LRRC7: variants seen among roughly 807,000 people sequenced by gnomAD.
The protein encoded by LRRC7 is leucine rich repeat containing 7, also known as leucine-rich repeat-containing protein 7.
In LRRC7, 23 loss-of-function variants were observed where a neutral mutation model predicts 175.7. The observed-to-expected ratio is 0.13, with a 90% CI of 0.09 to 0.19. The LOEUF (loss-of-function observed/expected upper bound fraction) is 0.19. Ranked by LOEUF, LRRC7 falls within the 10% of genes least tolerant of loss-of-function variation. The probability of loss-of-function intolerance (pLI) is 1.00; values close to 1 mark genes in which losing one functional copy is unlikely to be tolerated. For missense variants in LRRC7, 1,354 were observed against 1,904.7 expected (o/e 0.71, Z 5.38); for synonymous variants, 685 against 680.9 (o/e 1.01, Z -0.09).
At chr1:70,041,069 G>T (rs985336135) in intron 21 of LRRC7, among the ~76,000 whole-genome samples, 3 of 152,086 alleles carry the variant, frequency 2.0e-5, no homozygotes, top group African/African-American at 7.2e-5. Flanking sequence ...TGGTGAAAAT[G>T]GGGCTTTTTG....
At chr1:69,881,102 AG>A (rs1686558796) in intron 7 of LRRC7, among the ~76,000 whole-genome samples, 1 of 152,218 alleles carries the variant, frequency 6.6e-6, no homozygotes, top group Admixed American at 6.5e-5. Flanking sequence ...TATTTTAATT[AG>A]TTGTTTCAAG....
At chr1:69,647,149 T>G (rs1045360839) in intron 1 of LRRC7, among the ~76,000 whole-genome samples, 2 of 152,148 alleles carry the variant, frequency 1.3e-5, no homozygotes, top group Non-Finnish European at 1.5e-5. Flanking sequence ...TCTTTTGGTC[T>G]TCAGTGAGAA....
intron 2 of LRRC7, among the ~76,000 whole-genome samples, chr1:69,688,918 C>T (rs1334117442): frequency 6.6e-6 from 1 of 152,102 alleles, no homozygotes; most frequent in Non-Finnish European, 1.5e-5. Context: ...GCATATACTA[C>T]ATATTTGTCT....
chr1:69,938,603 G>T (rs1246918644), intron 8 of LRRC7, among the ~76,000 whole-genome samples: 2 of 151,960 alleles, frequency 1.3e-5, no homozygotes, highest in African/African-American at 2.4e-5. Context: ...AGACAGTCGA[G>T]TACTTATGCT....
intron 23 of LRRC7, among the ~76,000 whole-genome samples, chr1:70,067,493 C>T (rs536757312): frequency 6.6e-6 from 1 of 152,156 alleles, no homozygotes; most frequent in East Asian, 1.9e-4. Flanking sequence ...ATGTGTCTAT[C>T]CCTCTGCAAA....
At chr1:69,877,395 A>G (rs76895093) in intron 7 of LRRC7, among the ~76,000 whole-genome samples, 2 of 152,034 alleles carry the variant, frequency 1.3e-5, no homozygotes, top group Non-Finnish European at 2.9e-5. Context: ...TGAGGCTACA[A>G]TGAGCTATGA....
intron 2 of LRRC7, among the ~76,000 whole-genome samples, chr1:69,696,260 C>G (rs1389192691): frequency 6.6e-6 from 1 of 152,200 alleles, no homozygotes; most frequent in Non-Finnish European, 1.5e-5. Context: ...TATTTTGGAG[C>G]TTTAAAGTTT....
intron 15 of LRRC7, among the ~76,000 whole-genome samples, chr1:70,019,695 T>A (rs1390986890): frequency 3.9e-5 from 6 of 152,002 alleles, no homozygotes; most frequent in Non-Finnish European, 8.8e-5. Flanking sequence ...TTTTAGGATA[T>A]TTTTCTTTAA....
intron 2 of LRRC7, among the ~76,000 whole-genome samples, chr1:69,703,068 T>C (rs985705320): frequency 7.9e-5 from 12 of 152,090 alleles, no homozygotes; most frequent in African/African-American, 2.9e-4. Context: ...ACTTAATGTT[T>C]TTAGTTCTTA....
intron 3 of LRRC7, among the ~76,000 whole-genome samples, chr1:69,780,604 C>A (rs903623180): frequency 2.0e-5 from 3 of 152,008 alleles, no homozygotes; most frequent in Non-Finnish European, 2.9e-5. Context: ...TATATAAAAC[C>A]ATTTTTACTC....
intron 8 of LRRC7, among the ~76,000 whole-genome samples, chr1:69,978,191 G>A (rs976079291): frequency 1.3e-5 from 2 of 152,140 alleles, no homozygotes; most frequent in African/African-American, 2.4e-5. Flanking sequence ...GCCGAGGCAG[G>A]AGAATGGCTT....
At chr1:69,993,246 A>T (rs1654612705) in intron 10 of LRRC7, among the ~76,000 whole-genome samples, 1 of 152,098 alleles carries the variant, frequency 6.6e-6, no homozygotes, top group African/African-American at 2.4e-5. Flanking sequence ...TTCCCAGGTG[A>T]TGTTGTTTTC....
chr1:69,628,074 A>G (rs1651889514), intron 1 of LRRC7, among the ~76,000 whole-genome samples: 1 of 152,146 alleles, frequency 6.6e-6, no homozygotes, highest in South Asian at 2.1e-4. Context: ...GCTTTCCCAG[A>G]ACGAGGCAAA....
At chr1:69,995,666 T>C (rs1394811595) in intron 11 of LRRC7, among the ~76,000 whole-genome samples, 4 of 152,046 alleles carry the variant, frequency 2.6e-5, no homozygotes, top group Non-Finnish European at 5.9e-5. Context: ...TGGTTTTTTG[T>C]TCTTGCGATA....
At chr1:69,870,195 C>T (rs1458989647) in intron 7 of LRRC7, among the ~76,000 whole-genome samples, 2 of 152,088 alleles carry the variant, frequency 1.3e-5, no homozygotes, top group Non-Finnish European at 2.9e-5. Context: ...TGCCTACACA[C>T]AGTAGATGCT....
chr1:70,035,469 GGT>G (rs1250558714), intron 18 of LRRC7, among the ~76,000 whole-genome samples: 1 of 151,832 alleles, frequency 6.6e-6, no homozygotes, highest in Non-Finnish European at 1.5e-5. Context: ...TGCTAGATTA[GGT>G]GTGAGAAAAC....
chr1:69,717,946 A>AAGAAAGAG, intron 2 of LRRC7, among the ~76,000 whole-genome samples: 1 of 85,656 alleles, frequency 1.2e-5, no homozygotes, highest in Non-Finnish European at 2.2e-5. Context: ...GAAAGAAAGA[A>AAGAAAGAG]AGAAAGAAAG....
At chr1:70,052,885 TATA>T in intron 22 of LRRC7, 138 bp from the exon 23 acceptor site, 1 of 744,880 alleles carries the variant, frequency 1.3e-6, no homozygotes, top group Non-Finnish European at 2.0e-6. Context: ...GTAAATAGTA[TATA>T]ATATTTGCAG....
chr1:70,087,688 T>A (rs902484786), intron 24 of LRRC7, among the ~76,000 whole-genome samples: 2 of 152,256 alleles, frequency 1.3e-5, no homozygotes, highest in Admixed American at 6.5e-5. Context: ...GGAAAAGTTA[T>A]AATTAAACAT....
Sources: allele counts gnomAD v4.1 joint callset (sites outside exome capture counted in the v4.1 genomes callset), GRCh38; gene constraint gnomAD v4.1.1; transcripts MANE v1.5; gene names NCBI Gene and HGNC (gene_info 2026-07-23, HGNC 2026-07-21).